SAMD12: variants seen among roughly 807,000 people sequenced by gnomAD.
SAMD12 encodes sterile alpha motif domain-containing protein 12.
In SAMD12, 9 loss-of-function variants were observed where a neutral mutation model predicts 15.0. The ratio of observed to expected loss-of-function variants is 0.60; its 90% CI spans 0.36 to 1.05. The LOEUF (loss-of-function observed/expected upper bound fraction) is 1.05, where lower values mean the gene tolerates loss of function less well. Among genes scored for constraint, SAMD12 ranks in the 50% least tolerant of loss-of-function variants. The pLI is 0.01. For missense variants in SAMD12, 230 were observed against 234.2 expected, an observed-to-expected ratio of 0.98 and a Z score of 0.12; for synonymous variants, 86 against 90.1, an observed-to-expected ratio of 0.96 and a Z score of 0.25.
chr8:118,454,146 G>A (rs1041924178), intron 2 of SAMD12, among the ~76,000 whole-genome samples: 21 of 152,136 alleles, frequency 1.4e-4, no homozygotes, highest in African/African-American at 5.1e-4. Flanking sequence ...GGTTTTGGGG[G>A]TAAACATTCT....
intron 2 of SAMD12, among the ~76,000 whole-genome samples, chr8:118,545,873 A>T (rs1475664677): frequency 2.6e-5 from 4 of 152,160 alleles, no homozygotes; most frequent in Non-Finnish European, 5.9e-5. Context: ...GTGGGATGAA[A>T]TTCCCTGAGT....
intron 4 of SAMD12, among the ~76,000 whole-genome samples, chr8:118,325,728 A>G (rs1178723064): frequency 6.6e-6 from 1 of 152,064 alleles, no homozygotes; most frequent in Non-Finnish European, 1.5e-5. Flanking sequence ...ACTGCTCCCA[A>G]CCCCAGGCCC....
intron 4 of SAMD12, among the ~76,000 whole-genome samples, chr8:118,228,019 A>G (rs1251319019): frequency 6.6e-6 from 1 of 152,214 alleles, no homozygotes. Flanking sequence ...AAGCAAACAA[A>G]AATGTAAAGT....
intron 2 of SAMD12, among the ~76,000 whole-genome samples, chr8:118,506,716 A>ATT (rs1228538310): frequency 1.3e-5 from 2 of 151,716 alleles, no homozygotes; most frequent in Admixed American, 1.3e-4. Flanking sequence ...GGCTGACACT[A>ATT]TTTACAAAAT....
chr8:118,160,112 C>A, the SAMD12 span, among the ~76,000 whole-genome samples: 3 of 152,250 alleles, frequency 2.0e-5, no homozygotes. Flanking sequence ...CAAAATATTT[C>A]TAGGAATGTA....
intron 2 of SAMD12, among the ~76,000 whole-genome samples, chr8:118,442,833 G>T (rs1254595258): frequency 6.6e-6 from 1 of 152,174 alleles, no homozygotes; most frequent in Non-Finnish European, 1.5e-5. Flanking sequence ...AAATTAGGAA[G>T]GGAAAGGCAG....
At chr8:118,292,349 G>GACACACACACACACACAC (rs3052706) in intron 4 of SAMD12, among the ~76,000 whole-genome samples, 10,956 of 137,476 alleles carry the variant, frequency 0.08, 714 homozygotes, top group East Asian at 0.24. Flanking sequence ...CAAACACACA[G>GACACACACACACACACAC]ACACACACAC....
chr8:118,396,057 T>C (rs1299720982), intron 3 of SAMD12, among the ~76,000 whole-genome samples: 1 of 152,200 alleles, frequency 6.6e-6, no homozygotes, highest in Non-Finnish European at 1.5e-5. Flanking sequence ...CAGTTCAGTG[T>C]CCATTCATTC....
chr8:118,593,620 C>T (rs1827642908), intron 1 of SAMD12, among the ~76,000 whole-genome samples: 1 of 152,166 alleles, frequency 6.6e-6, no homozygotes, highest in Admixed American at 6.5e-5. Context: ...TCGATTATCA[C>T]ATAAAGTCCT....
chr8:118,612,014 C>T (rs545175964), intron 1 of SAMD12, among the ~76,000 whole-genome samples: 60 of 152,234 alleles, frequency 3.9e-4, no homozygotes, highest in Non-Finnish European at 7.1e-4. Flanking sequence ...ATCAGAATCA[C>T]ACAGCACAGC....
intron 4 of SAMD12, among the ~76,000 whole-genome samples, chr8:118,270,990 C>T (rs564118511): frequency 6.6e-6 from 1 of 152,004 alleles, no homozygotes; most frequent in Non-Finnish European, 1.5e-5. Flanking sequence ...AAGTTTAAAC[C>T]AAATGGAGCA....
chr8:118,579,354 C>G (rs1052625952), intron 2 of SAMD12, among the ~76,000 whole-genome samples: 1 of 152,150 alleles, frequency 6.6e-6, no homozygotes, highest in East Asian at 1.9e-4. Flanking sequence ...GCTTTCTTAA[C>G]AGGGTTCACT....
At position 118,620,399 on chromosome 8, in the gene SAMD12, CAAAAAAAAAAAAAA is replaced by C. The variant is rs68126546; in HGVS notation, c.13+1391_13+1404del. ...GTCTTGACTATCAAGCATAACGATG[CAAAAAAAAAAAAAA>C]AAAAAAAAAAAAGATTCTCACCCTA... On this transcript the variant is annotated intron_variant, in intron 1 of 3. Coordinates refer to ENST00000314727, the MANE Select transcript of SAMD12 (RefSeq NM_207506.3). 9.0e-5 allele frequency among the ~76,000 whole-genome samples: 6 copies of C among 66,398 alleles called. 1 individual carries two copies. The highest frequency in any genetic ancestry group is 2.7e-4 in the African/African-American group (4 of 14,904). The allele number at this position is 66,398 out of a possible 152,430, so 43.6% of individuals were successfully genotyped here. A position where few individuals can be genotyped will look rare whatever the true frequency, so the allele number is the denominator to read the frequency against.
intron 2 of SAMD12, among the ~76,000 whole-genome samples, chr8:118,441,653 T>C (rs891403520): frequency 6.6e-6 from 1 of 152,206 alleles, no homozygotes; most frequent in East Asian, 1.9e-4. Context: ...CATATATACA[T>C]ACATATGTAT....
intron 3 of SAMD12, among the ~76,000 whole-genome samples, chr8:118,435,260 G>A (rs934696631): frequency 4.6e-5 from 7 of 152,048 alleles, no homozygotes; most frequent in Admixed American, 4.6e-4. Flanking sequence ...TATTTCAAGA[G>A]ACAGAGATAT....
At chr8:118,175,945 A>G in the SAMD12 span, among the ~76,000 whole-genome samples, 1 of 152,220 alleles carries the variant, frequency 6.6e-6, no homozygotes, top group Non-Finnish European at 1.5e-5. Context: ...GATTTTTTCA[A>G]AGAACTTAAT....
intron 2 of SAMD12, among the ~76,000 whole-genome samples, chr8:118,456,345 C>A (rs1054351577): frequency 6.6e-6 from 1 of 152,184 alleles, no homozygotes; most frequent in African/African-American, 2.4e-5. Context: ...CTTAAGTAAT[C>A]CCCAAGATGT....
chr8:118,475,079 A>G (rs1226368354), intron 2 of SAMD12, among the ~76,000 whole-genome samples: 1 of 152,106 alleles, frequency 6.6e-6, no homozygotes, highest in Non-Finnish European at 1.5e-5. Flanking sequence ...TTCTACCAAA[A>G]ATACAAAAAA....
At position 118,379,362 on chromosome 8, in the gene SAMD12, T is replaced by C; in HGVS notation, c.*55A>G. 1 of 1,573,118 alleles carries C rather than the reference T, an allele frequency of 6.4e-7. No homozygotes were observed. The highest frequency in any genetic ancestry group is 8.6e-7 in the Non-Finnish European group (1 of 1,162,254). ...TTCTGTTTGCTCATCCATTACTTAT[T>C]TGTGCATCCTTCTCCCTAGTGAGCT... On this transcript the variant is annotated 3_prime_UTR_variant, in exon 4 of 4. Transcript: ENST00000314727.
Sources: allele counts gnomAD v4.1 joint callset (sites outside exome capture counted in the v4.1 genomes callset), GRCh38; gene constraint gnomAD v4.1.1; transcripts MANE v1.5; gene names NCBI Gene and HGNC (gene_info 2026-07-23, HGNC 2026-07-21).